RTF1: variants seen among roughly 807,000 people sequenced by gnomAD.
RTF1 encodes the protein RTF1 homolog, Paf1/RNA polymerase II complex component.
In RTF1, 10 loss-of-function variants were observed where a neutral mutation model predicts 95.7. That is an observed-to-expected ratio of 0.10 (90% confidence interval 0.06 to 0.18). RTF1 has a LOEUF of 0.18. Ranked by LOEUF, RTF1 falls within the 10% of genes least tolerant of loss-of-function variation. The pLI, the probability that RTF1 is intolerant of heterozygous loss-of-function variation, is 1.00. For missense variants in RTF1, 458 were observed against 875.6 expected (o/e 0.52, Z 6.02); for synonymous variants, 305 against 311.8 (o/e 0.98, Z 0.23).
intron 2 of RTF1, among the ~76,000 whole-genome samples, chr15:41,442,490 G>A (rs1207465497): frequency 6.6e-6 from 1 of 151,872 alleles, no homozygotes; most frequent in Non-Finnish European, 1.5e-5. Flanking sequence ...TTTCGTGGGT[G>A]AAAAAACACA....
intron 4 of RTF1, among the ~76,000 whole-genome samples, chr15:41,460,811 A>G (rs978145752): frequency 1.3e-5 from 2 of 151,606 alleles, no homozygotes; most frequent in Non-Finnish European, 2.9e-5. Context: ...CTCCCACCTC[A>G]GCCTCCCAAG....
At chr15:41,453,134 G>A (rs2050796637) in intron 3 of RTF1, 86 bp downstream of exon 3, 3 of 1,160,364 alleles carry the variant, frequency 2.6e-6, no homozygotes, top group Non-Finnish European at 3.6e-6. Context: ...AGGAAGGGGG[G>A]TACTTGCATT....
intron 3 of RTF1, among the ~76,000 whole-genome samples, chr15:41,456,264 A>T (rs2050815549): frequency 6.6e-6 from 1 of 151,368 alleles, no homozygotes; most frequent in Non-Finnish European, 1.5e-5. Flanking sequence ...AGGTCGGCGG[A>T]TCATGAGGTC....
rs537525792 is a variant in RTF1 at position 41,477,963 on chromosome 15, G to A, written c.1740+448G>A. Among the ~76,000 whole-genome samples, 8 of 152,040 alleles carry A rather than the reference G, an allele frequency of 5.3e-5. No homozygotes were observed. In the South Asian group the frequency reaches 1.5e-3, roughly 28 times the overall value. ...TCTCCTAAAAATACAAAAATGAGCC[G>A]GACATGGTGGTGCACGCCTGTAATC... On this transcript the variant is annotated intron_variant, in intron 14 of 17. Transcript: ENST00000389629.
At position 41,477,194 on chromosome 15, in the gene RTF1, C is replaced by T. The variant is rs754004799; in HGVS notation, c.1590C>T (p.Asp530=). ...TGGCTGAGGACCTGGGGGATCAGGA[C>T]AAGGCCAAACAAATCCAAGATCAAC... ...KAMAEDLGDQ[D]KAKQIQDQLN... Residue 530 remains aspartate (D), a synonymous_variant, in exon 13 of 18, where the codon GAC becomes GAT. Transcript: ENST00000389629. 3.1e-6 allele frequency: 5 copies of T among 1,614,086 alleles called. No homozygotes were observed. The highest frequency in any genetic ancestry group is 4.2e-6 in the Non-Finnish European group (5 of 1,180,050).
At chr15:41,439,194 G>C (rs2050720398) in intron 2 of RTF1, among the ~76,000 whole-genome samples, 1 of 151,606 alleles carries the variant, frequency 6.6e-6, no homozygotes, top group South Asian at 2.1e-4. Context: ...ACCAGGCCTG[G>C]CTAATTTTTT....
chr15:41,464,666 A>G (rs2050871281), intron 4 of RTF1, 105 bp from the exon 5 acceptor site: 1 of 974,442 alleles, frequency 1.0e-6, no homozygotes. Flanking sequence ...AGGAAAGCCA[A>G]AATATCTATT....
chr15:41,417,603 C>T (rs955293440), intron 1 of RTF1, among the ~76,000 whole-genome samples: 1 of 152,082 alleles, frequency 6.6e-6, no homozygotes, highest in Non-Finnish European at 1.5e-5. Flanking sequence ...CGCGATCTTC[C>T]GGGGCCAGAT....
At chr15:41,471,999 A>G (rs2050914399) in intron 8 of RTF1, among the ~76,000 whole-genome samples, 1 of 151,528 alleles carries the variant, frequency 6.6e-6, no homozygotes, top group Admixed American at 6.6e-5. Flanking sequence ...CCCGGGTTCA[A>G]GTGATTCTCC....
At chr15:41,457,376 A>G (rs1002197783) in intron 3 of RTF1, among the ~76,000 whole-genome samples, 1 of 152,096 alleles carries the variant, frequency 6.6e-6, no homozygotes, top group African/African-American at 2.4e-5. Flanking sequence ...TCCAATAAAA[A>G]TACAAAATTA....
chr15:41,419,944 C>T (rs1277554067), intron 1 of RTF1, among the ~76,000 whole-genome samples: 5 of 152,080 alleles, frequency 3.3e-5, no homozygotes, highest in East Asian at 1.9e-4. Context: ...TTCAGCCTCC[C>T]GTGTAGCTGG....
intron 12 of RTF1, among the ~76,000 whole-genome samples, chr15:41,476,856 A>G (rs1341020756): frequency 2.0e-5 from 3 of 152,182 alleles, no homozygotes; most frequent in Admixed American, 1.3e-4. Context: ...GTGATTTTCC[A>G]TTCTTCACAC....
chr15:41,468,038 G>C (rs568530033), intron 6 of RTF1, among the ~76,000 whole-genome samples: 2 of 151,910 alleles, frequency 1.3e-5, no homozygotes, highest in Non-Finnish European at 2.9e-5. Context: ...GGTAGCACAT[G>C]CCTGTAATCC....
At chr15:41,420,069 C>T (rs1479233541) in intron 1 of RTF1, among the ~76,000 whole-genome samples, 2 of 152,138 alleles carry the variant, frequency 1.3e-5, no homozygotes, top group African/African-American at 4.8e-5. Context: ...GATATGCCCA[C>T]CTCGGCCTCC....
chr15:41,449,175 C>T (rs1272028499), intron 2 of RTF1, among the ~76,000 whole-genome samples: 1 of 151,332 alleles, frequency 6.6e-6, no homozygotes, highest in African/African-American at 2.4e-5. Flanking sequence ...TGAGCCACTG[C>T]GCCCAGCCTA....
At chr15:41,448,915 C>T (rs927241895) in intron 2 of RTF1, 7 of 151,716 alleles carry the variant, frequency 4.6e-5, no homozygotes, top group Non-Finnish European at 8.8e-5. Context: ...GATCAGCTCT[C>T]ACTCTGTCAC....
intron 1 of RTF1, among the ~76,000 whole-genome samples, chr15:41,421,974 A>G (rs1451387788): frequency 1.3e-5 from 2 of 152,028 alleles, no homozygotes; most frequent in East Asian, 1.9e-4. Flanking sequence ...TGGCCTCCCA[A>G]AGTGCTGGAA....
chr15:41,456,438 G>A (rs559082436), intron 3 of RTF1, among the ~76,000 whole-genome samples: 12 of 150,418 alleles, frequency 8.0e-5, no homozygotes, highest in Admixed American at 2.0e-4. Context: ...GCGCTGAGTC[G>A]AGATCGTGCC....
chr15:41,472,946 C>T (rs934028488), intron 8 of RTF1, among the ~76,000 whole-genome samples: 3 of 151,914 alleles, frequency 2.0e-5, no homozygotes, highest in African/African-American at 7.3e-5. Flanking sequence ...CGTGATCCGC[C>T]CGCCTCGGCC....
Sources: allele counts gnomAD v4.1 joint callset (sites outside exome capture counted in the v4.1 genomes callset), GRCh38; gene constraint gnomAD v4.1.1; transcripts MANE v1.5; gene names NCBI Gene and HGNC (gene_info 2026-07-23, HGNC 2026-07-21).